HMCN1: variants seen among roughly 807,000 people sequenced by gnomAD.
The protein encoded by HMCN1 is hemicentin 1.
A neutral mutation model predicts 625.9 loss-of-function variants in HMCN1; 321 were observed. That is an observed-to-expected ratio of 0.51 (90% CI 0.47 to 0.56). HMCN1 has a LOEUF of 0.56. Ranked by LOEUF, HMCN1 falls within the 20% of genes least tolerant of loss-of-function variation. HMCN1 has a pLI of 0.00. For synonymous variants in HMCN1, 2,425 were observed against 2,417.6 expected (o/e 1.00, Z -0.09); for missense variants, 6,588 against 6,887.3 (o/e 0.96, Z 1.54).
chr1:185,890,638 T>A (rs1278680794), intron 4 of HMCN1, among the ~76,000 whole-genome samples: 2 of 119,474 alleles, frequency 1.7e-5, no homozygotes, highest in Non-Finnish European at 3.2e-5. Context: ...AGATTCTTAA[T>A]CCTGAGTTCT....
chr1:185,837,633 A>G (rs1661247845), intron 1 of HMCN1, among the ~76,000 whole-genome samples: 1 of 152,044 alleles, frequency 6.6e-6, no homozygotes, highest in Non-Finnish European at 1.5e-5. Flanking sequence ...TCGATCTGAT[A>G]TATATTCTTT....
At chr1:185,910,849 G>A (rs1248969443) in intron 5 of HMCN1, among the ~76,000 whole-genome samples, 7 of 152,098 alleles carry the variant, frequency 4.6e-5, no homozygotes, top group Admixed American at 3.3e-4. Context: ...GATTACAGGC[G>A]TGAGCCACCG....
intron 15 of HMCN1, among the ~76,000 whole-genome samples, chr1:185,974,603 C>A (rs1651065902): frequency 6.6e-6 from 1 of 152,148 alleles, no homozygotes; most frequent in South Asian, 2.1e-4. Flanking sequence ...TATTTACCAT[C>A]TACTCACTGT....
chr1:186,015,019 A>G, intron 30 of HMCN1, 140 bp from the exon 31 acceptor site: 3 of 733,298 alleles, frequency 4.1e-6, no homozygotes, highest in Admixed American at 4.8e-5. Flanking sequence ...GAGGAAACTC[A>G]TTATCAGGAG....
intron 1 of HMCN1, among the ~76,000 whole-genome samples, chr1:185,836,630 G>T (rs1182274404): frequency 6.6e-6 from 1 of 152,002 alleles, no homozygotes; most frequent in Non-Finnish European, 1.5e-5. Context: ...TTATCATAAG[G>T]TACTTTTGTT....
chr1:186,128,206 A>G lies in HMCN1; in HGVS notation c.12819A>G (p.Lys4273=). 6.2e-7 allele frequency: 1 copy of G among 1,613,704 alleles called. No homozygotes were observed. The highest frequency in any genetic ancestry group is 8.5e-7 in the Non-Finnish European group (1 of 1,179,742). The change falls in exon 83 of 107, where the codon AAA becomes AAG. Residue 4273 remains lysine (K), a synonymous_variant. Coordinates refer to ENST00000271588, the MANE Select transcript of HMCN1 (RefSeq NM_031935.3). ...TTCCTGGAGACGTGTCATTAAATAA[A>G]GGAGAACAGCTACGATTAAGCTGTA... The part of the protein sequence containing the change: ...TELPGDVSLN[K]GEQLRLSCKA...
Position 185,964,313 on chromosome 1 carries a change from A to G in HMCN1, c.2098+418A>G, listed in dbSNP as rs561637293. ...TCTTCAATTTCCCTCTCCAAACTTA[A>G]ACATTTATTGGAAGCGTACTTCATG... is the stretch of plus-strand genomic sequence containing the variant. On this transcript the variant is annotated intron_variant, in intron 13 of 106. Transcript: ENST00000271588. 2.7e-4 allele frequency among the ~76,000 whole-genome samples: 41 copies of G among 152,238 alleles called. No homozygotes were observed. In the Middle Eastern group the frequency reaches 0.014, roughly 51 times the overall value.
At chr1:186,132,150 T>C (rs1661972468) in intron 85 of HMCN1, among the ~76,000 whole-genome samples, 178 bp from the exon 86 acceptor site, 1 of 152,084 alleles carries the variant, frequency 6.6e-6, no homozygotes, top group African/African-American at 2.4e-5. Flanking sequence ...CCTCTTTCTC[T>C]TCCTCCTCCT....
intron 14 of HMCN1, among the ~76,000 whole-genome samples, chr1:185,967,817 C>T (rs1558102897): frequency 6.6e-6 from 1 of 152,100 alleles, no homozygotes; most frequent in Non-Finnish European, 1.5e-5. Context: ...ATAAGAATAT[C>T]TTTTTCCTCA....
chr1:185,861,029 A>G (rs1662835507), intron 2 of HMCN1, among the ~76,000 whole-genome samples: 1 of 152,096 alleles, frequency 6.6e-6, no homozygotes, highest in Admixed American at 6.6e-5. Context: ...GCTGCATTCA[A>G]TTTTAGGTTG....
chr1:186,087,400 C>A, intron 59 of HMCN1, 43 bp from the exon 60 acceptor site: 1 of 1,605,154 alleles, frequency 6.2e-7, no homozygotes, highest in Non-Finnish European at 8.5e-7. Flanking sequence ...TATCTGAGCA[C>A]CTTAATGAAA....
intron 1 of HMCN1, among the ~76,000 whole-genome samples, chr1:185,814,630 C>T (rs1659730002): frequency 6.7e-6 from 1 of 150,064 alleles, no homozygotes; most frequent in African/African-American, 2.5e-5. Flanking sequence ...TTTATTGTTT[C>T]TTAGGAGGTT....
intron 5 of HMCN1, among the ~76,000 whole-genome samples, chr1:185,909,872 A>C (rs2102451656): frequency 6.6e-6 from 1 of 152,252 alleles, no homozygotes; most frequent in African/African-American, 2.4e-5. Flanking sequence ...AATGGCTCAC[A>C]CCAAGTAACT....
chr1:186,099,177 G>T (rs1303152439), intron 68 of HMCN1, among the ~76,000 whole-genome samples: 2 of 151,958 alleles, frequency 1.3e-5, no homozygotes, highest in Non-Finnish European at 2.9e-5. Flanking sequence ...TCACCACAAA[G>T]AACTGATAAA....
chr1:186,019,777 T>C lies in HMCN1; in HGVS notation c.5625+82T>C, dbSNP rs1654599255. Reference sequence around the variant, plus strand: ...ATATCAAGTTATTCTTTCTTAACTGTAGATTTTCCTGTTGGACAGATTTTG... The same window carrying C: ...ATATCAAGTTATTCTTTCTTAACTGCAGATTTTCCTGTTGGACAGATTTTG... On this transcript the variant is annotated intron_variant, in intron 35 of 106. Coordinates refer to ENST00000271588, the MANE Select transcript of HMCN1 (RefSeq NM_031935.3). 6.6e-6 allele frequency: 8 copies of C among 1,216,798 alleles called. No homozygotes were observed. In the African/African-American group the frequency reaches 1.2e-4, roughly 19 times the overall value. The allele number at this position is 1,216,798 out of a possible 1,614,324, so 75.4% of individuals were successfully genotyped here. A position where few individuals can be genotyped will look rare whatever the true frequency, so the allele number is the denominator to read the frequency against.
At chr1:186,133,037 A>G (rs1200618483) in intron 86 of HMCN1, among the ~76,000 whole-genome samples, 2 of 152,148 alleles carry the variant, frequency 1.3e-5, no homozygotes, top group African/African-American at 2.4e-5. Context: ...AATCCAGTCT[A>G]TCATTGTTGG....
intron 41 of HMCN1, among the ~76,000 whole-genome samples, chr1:186,048,275 G>A (rs977270461): frequency 6.6e-6 from 1 of 151,978 alleles, no homozygotes; most frequent in African/African-American, 2.4e-5. Context: ...CACCAAACTG[G>A]GTAGTAGAAG....
At position 186,114,964 on chromosome 1, in the gene HMCN1, G is replaced by A. The variant is rs1291084415; in HGVS notation, c.11404+18G>A. ...GGTCCATGGTAAATATCCGTTTATA[G>A]ACAACATCCGGTCTCTGTGTCAAAT... is the stretch of plus-strand genomic sequence containing the variant. On this transcript the variant is annotated intron_variant, in intron 74 of 106. Coordinates refer to ENST00000271588, the MANE Select transcript of HMCN1 (RefSeq NM_031935.3). 2.5e-6 allele frequency: 4 copies of A among 1,614,030 alleles called. No individual in the cohort carries two copies. The highest frequency in any genetic ancestry group is 3.4e-6 in the Non-Finnish European group (4 of 1,180,002).
chr1:186,000,364 C>T, intron 26 of HMCN1, 125 bp downstream of exon 26: 2 of 725,032 alleles, frequency 2.8e-6, no homozygotes, highest in South Asian at 3.2e-5. Flanking sequence ...AAACAGAAAT[C>T]TGGTGGTATG....
Sources: gnomAD v4.1 joint callset for allele counts (sites outside exome capture counted in the v4.1 genomes callset) on GRCh38, gnomAD v4.1.1 for gene constraint, MANE v1.5 for transcripts, NCBI Gene and HGNC (gene_info 2026-07-23, HGNC 2026-07-21) for gene names.